The following GET4 variants were observed in gnomAD, a reference collection of about 807,000 sequenced individuals.
The protein encoded by GET4 is guided entry of tail-anchored proteins factor 4.
GET4 carries 20 observed loss-of-function variants against 40.0 expected under a neutral mutation model. The ratio of observed to expected loss-of-function variants is 0.50; its 90% confidence interval spans 0.35 to 0.73. GET4 has a LOEUF of 0.73. GET4 is among the 30% of genes least tolerant of loss of function. GET4 has a pLI of 0.01. For synonymous variants in GET4, 280 were observed against 194.6 expected (o/e 1.44, Z -3.65); for missense variants, 557 against 454.0 (o/e 1.23, Z -2.06).
At position 895,347 on chromosome 7, in the gene GET4, C is replaced by G. The variant is rs775630074; in HGVS notation, c.909C>G (p.Thr303=). The change falls in exon 9 of 9, where the codon ACC becomes ACG. Residue 303 remains threonine (T), a synonymous_variant. Coordinates refer to ENST00000265857, the MANE Select transcript of GET4 (RefSeq NM_015949.3). ...SYGGLLGNLL[T]SLMGSSEQED... is the part of the protein sequence containing the mutation. Reference sequence around the variant, plus strand: ...TCTTCTTTCCAGGGAACCTTCTGACCAGCCTCATGGGCTCCTCAGAGCAGG... The same window carrying G: ...TCTTCTTTCCAGGGAACCTTCTGACGAGCCTCATGGGCTCCTCAGAGCAGG... The G allele has an allele frequency of 4.4e-6, 7 of 1,574,862 alleles. No homozygotes were observed. The highest frequency in any genetic ancestry group is 5.2e-6 in the Non-Finnish European group (6 of 1,147,650).
intron 1 of GET4, chr7:883,965 A>G (rs1844137079): frequency 1.9e-6 from 2 of 1,066,890 alleles, no homozygotes; most frequent in Non-Finnish European, 2.3e-6. Flanking sequence ...CCAGCTGCCC[A>G]GGGAAGAAGG....
chr7:893,564 G>A (rs1391344234), intron 6 of GET4, among the ~76,000 whole-genome samples, 176 bp from the exon 7 acceptor site: 4 of 140,628 alleles, frequency 2.8e-5, no homozygotes, highest in African/African-American at 5.4e-5. Context: ...AGTGTTGGGC[G>A]TAGGCGTGGT....
intron 6 of GET4, 39 bp from the exon 7 acceptor site, chr7:893,701 T>C: frequency 7.2e-7 from 1 of 1,395,464 alleles, no homozygotes; most frequent in Middle Eastern, 1.9e-4. Flanking sequence ...GTGGTCCTGT[T>C]CTGCTCACCC....
chr7:892,005 A>G (rs908151294), intron 5 of GET4, among the ~76,000 whole-genome samples: 2 of 152,242 alleles, frequency 1.3e-5, no homozygotes, highest in African/African-American at 4.8e-5. Context: ...GAGCTTGCTC[A>G]GTGCGTCACG....
chr7:892,276 A>T lies in GET4; in HGVS notation c.606-2A>T. On this transcript the variant is annotated splice_acceptor_variant, in intron 5 of 8. Transcript: ENST00000265857. LOFTEE classifies it high-confidence loss of function. ...CCACCACCAGCATGTTCTCATTTCCAGGTTTCTCTGTTTAAAAAACAAAAG... is the reference window on the plus strand; with the variant it reads ...CCACCACCAGCATGTTCTCATTTCCTGGTTTCTCTGTTTAAAAAACAAAAG... 3 of 1,586,094 alleles carry T rather than the reference A, an allele frequency of 1.9e-6. No individual in the cohort carries two copies. Among genetic ancestry groups the T allele is most frequent in the Non-Finnish European group, 2.6e-6 (3 of 1,156,420 alleles).
chr7:883,943 C>T (rs1844136609), intron 1 of GET4: 4 of 1,062,596 alleles, frequency 3.8e-6, no homozygotes, highest in Non-Finnish European at 4.6e-6. Flanking sequence ...CCTTTTTCCC[C>T]TTGCCCGGCT....
intron 3 of GET4, 65 bp downstream of exon 3, chr7:886,715 C>A: frequency 9.6e-7 from 1 of 1,041,960 alleles, no homozygotes; most frequent in Non-Finnish European, 1.5e-6. Flanking sequence ...CTCCCCGGGT[C>A]TCTGCGCTGT....
chr7:885,279 A>G (rs1161848919), intron 1 of GET4: 2 of 152,248 alleles, frequency 1.3e-5, no homozygotes, highest in Non-Finnish European at 2.9e-5. Flanking sequence ...TGGGAGGTGC[A>G]GCGCATCCAA....
At position 893,090 on chromosome 7, in the gene GET4, C is replaced by T. The variant is rs1199929093; in HGVS notation, c.747-650C>T. 2.4e-3 allele frequency among the ~76,000 whole-genome samples: 253 copies of T among 104,432 alleles called. 2 individuals carry two copies. The highest frequency in any genetic ancestry group is 8.8e-3 in the Middle Eastern group (1 of 114). 68.5% of individuals were successfully genotyped at this position (104,432 alleles called of 152,430 possible). A position where few individuals can be genotyped will look rare whatever the true frequency, so the allele number is the denominator to read the frequency against. Reference sequence around the variant, plus strand: ...GGTGTGTGCAGGCGAGTGTTGGGTGCGGGCGTGGTGATGTGTGCAGGCAAG... The same window carrying T: ...GGTGTGTGCAGGCGAGTGTTGGGTGTGGGCGTGGTGATGTGTGCAGGCAAG... On this transcript the variant is annotated intron_variant, in intron 6 of 8. Transcript: ENST00000265857.
chr7:895,012 C>T (rs1291242922), intron 8 of GET4, among the ~76,000 whole-genome samples: 2 of 152,120 alleles, frequency 1.3e-5, no homozygotes, highest in Non-Finnish European at 2.9e-5. Context: ...CTGTAGGTCC[C>T]TCCGTGGCTC....
At position 886,802 on chromosome 7, in the gene GET4, G is replaced by A. The variant is rs189572088; in HGVS notation, c.316+152G>A. 1.4e-3 allele frequency: 903 copies of A among 639,064 alleles called. 2 individuals carry two copies. Among genetic ancestry groups the A allele is most frequent in the Non-Finnish European group, 2.3e-3 (821 of 356,908 alleles). The allele number at this position is 639,064 out of a possible 1,614,324, so 39.6% of individuals were successfully genotyped here. ...CAGAGGCAGTTCCCACCCGGTCTCA[G>A]TGAGCCAGGCCCCCTGGCTGACCCT... On this transcript the variant is annotated intron_variant, in intron 3 of 8. Coordinates refer to ENST00000265857, the MANE Select transcript of GET4 (RefSeq NM_015949.3).
chr7:886,890 G>C, intron 3 of GET4: 1 of 566,246 alleles, frequency 1.8e-6, no homozygotes, highest in Non-Finnish European at 3.2e-6. Flanking sequence ...CATGACTGGG[G>C]CCCTGTCCTC....
chr7:887,800 G>A (rs1447573419), intron 4 of GET4, among the ~76,000 whole-genome samples: 4 of 152,232 alleles, frequency 2.6e-5, no homozygotes, highest in African/African-American at 9.6e-5. Flanking sequence ...CGGGGCCTAT[G>A]CGTGCTGCTG....
intron 1 of GET4, chr7:878,038 C>G (rs937476232): frequency 3.8e-6 from 1 of 263,730 alleles, no homozygotes; most frequent in South Asian, 3.6e-5. Context: ...TGGCGTTCCT[C>G]TCACCGAGGG....
At chr7:886,979 C>T (rs1170543183) in intron 3 of GET4, 16 of 515,150 alleles carry the variant, frequency 3.1e-5, no homozygotes, top group Non-Finnish European at 5.4e-5. Context: ...CCTGTCCTGT[C>T]GGGTGACGTG....
chr7:891,073 G>A lies in GET4; in HGVS notation c.605+7G>A. 1 of 1,582,642 alleles carries A rather than the reference G, an allele frequency of 6.3e-7. No individual in the cohort carries two copies. Among genetic ancestry groups the A allele is most frequent in the South Asian group, 1.1e-5 (1 of 87,700 alleles). On this transcript the variant is annotated splice_region_variant and intron_variant, in intron 5 of 8. Transcript: ENST00000265857. ...TGGCCCAGGCCGTGCTACAGTAGGT[G>A]TCTGTGGCTCTTCGGGTCTCGGCTT... is the stretch of plus-strand genomic sequence containing the variant.
intron 1 of GET4, among the ~76,000 whole-genome samples, chr7:879,164 T>G: frequency 6.6e-6 from 1 of 152,250 alleles, no homozygotes; most frequent in Non-Finnish European, 1.5e-5. Context: ...TGGAAAACTC[T>G]GGAGGTGCCA....
intron 4 of GET4, among the ~76,000 whole-genome samples, chr7:888,893 T>C (rs914720145): frequency 3.3e-5 from 5 of 152,218 alleles, no homozygotes; most frequent in African/African-American, 9.6e-5. Context: ...GCCCGGGAGC[T>C]GTCGTCTGTC....
chr7:888,143 G>T (rs1228992504), intron 4 of GET4, among the ~76,000 whole-genome samples: 2 of 152,192 alleles, frequency 1.3e-5, no homozygotes, highest in African/African-American at 2.4e-5. Flanking sequence ...GCCTGCTCGG[G>T]TCTGCATGTG....
Sources: gnomAD v4.1 joint callset for allele counts (sites outside exome capture counted in the v4.1 genomes callset) on GRCh38, gnomAD v4.1.1 for gene constraint, MANE v1.5 for transcripts, NCBI Gene and HGNC (gene_info 2026-07-23, HGNC 2026-07-21) for gene names.